PCDHB6: variants seen among roughly 807,000 people sequenced by gnomAD.
PCDHB6 encodes protocadherin beta 6.
For synonymous variants in PCDHB6, 506 were observed against 459.0 expected (o/e 1.10, Z -1.31); for missense variants, 1,137 against 1,010.1 (o/e 1.13, Z -1.70).
Position 141,152,555 on chromosome 5 carries a change from G to A in PCDHB6, c.2298G>A (p.Lys766=). The A allele has an allele frequency of 6.2e-7, 1 of 1,614,040 alleles. No individual in the cohort carries two copies. The change falls in exon 1 of 1, where the codon AAG becomes AAA. Residue 766 remains lysine, a synonymous_variant. Coordinates refer to ENST00000231136, the MANE Select transcript of PCDHB6 (RefSeq NM_018939.4). The part of the protein sequence containing the change: ...GSETNEFKFL[K]PIMPNFPPQG... ...AAACAAATGAGTTCAAGTTCCTGAA[G>A]CCGATTATGCCCAACTTCCCTCCTC...
chr5:141,150,533 G>A lies in PCDHB6; in HGVS notation c.276G>A (p.Glu92=), dbSNP rs782252027. Residue 92 remains glutamate, a synonymous_variant, in exon 1 of 1, where the codon GAG becomes GAA. Coordinates refer to ENST00000231136, the MANE Select transcript of PCDHB6 (RefSeq NM_018939.4). ...DLLLNEKLDR[E]ELCGSTEPCV... ...TGCTAAATGAAAAACTGGACCGGGA[G>A]GAGCTGTGTGGCTCCACTGAGCCGT... is the stretch of plus-strand genomic sequence containing the variant. 6.2e-7 allele frequency: 1 copy of A among 1,614,158 alleles called. No individual in the cohort carries two copies. Among genetic ancestry groups the A allele is most frequent in the South Asian group, 1.1e-5 (1 of 91,076 alleles).
Position 141,150,918 on chromosome 5 carries a change from C to T in PCDHB6, c.661C>T (p.Arg221Trp), listed in dbSNP as rs781793464. ...LIALDGGSPPRSGTSEIQIQV... is the reference protein window; with the variant it reads ...LIALDGGSPPWSGTSEIQIQV... ...CGCGCTGGATGGCGGGTCTCCGCCC[C>T]GGTCAGGGACCTCCGAGATTCAGAT... Residue 221 changes from arginine (R) to tryptophan (W), a missense_variant, in exon 1 of 1, where the codon CGG becomes TGG. Coordinates refer to ENST00000231136, the MANE Select transcript of PCDHB6 (RefSeq NM_018939.4). 10 of 1,614,010 alleles carry T rather than the reference C, an allele frequency of 6.2e-6. No homozygotes were observed. The African/African-American group carries it at 8.0e-5, about 13-fold the overall frequency.
Position 141,150,373 on chromosome 5 carries a change from A to G in PCDHB6, c.116A>G (p.Glu39Gly). The G allele has an allele frequency of 6.2e-7, 1 of 1,614,154 alleles. No individual in the cohort carries two copies. Among genetic ancestry groups the G allele is most frequent in the Middle Eastern group, 1.6e-4 (1 of 6,062 alleles). The change falls in exon 1 of 1, where the codon GAA (glutamate) becomes GGA (glycine). Residue 39 changes from glutamate to glycine, a missense_variant. Coordinates refer to ENST00000231136, the MANE Select transcript of PCDHB6 (RefSeq NM_018939.4). ...CAGTATTCCGTATTGGAGGAGACAGAAAGTGGCACGTTTGTGGCCAACTTG... is the reference window on the plus strand; with the variant it reads ...CAGTATTCCGTATTGGAGGAGACAGGAAGTGGCACGTTTGTGGCCAACTTG... ...SIQYSVLEET[E>G]SGTFVANLTK...
In PCDHB6 at chr5:141,151,859, C is replaced by T. The variant is rs1371567466; in HGVS notation, c.1602C>T (p.Arg534=). 4.3e-6 allele frequency: 7 copies of T among 1,612,318 alleles called. No individual in the cohort carries two copies. The South Asian group carries it at 5.5e-5, about 13-fold the overall frequency. Residue 534 remains arginine (R), a synonymous_variant, in exon 1 of 1, where the codon CGC becomes CGT. Transcript: ENST00000231136. The part of the protein sequence containing the change: ...SFEFRVGATD[R]GSPALSSEAL... ...AGTTCCGCGTGGGCGCCACAGACCG[C>T]GGCTCCCCGGCGTTGAGCAGCGAGG...
chr5:141,151,297 T>C lies in PCDHB6; in HGVS notation c.1040T>C (p.Met347Thr). ...DVNDNAPELTMSFFISLIPEN... is the reference protein window; with the variant it reads ...DVNDNAPELTTSFFISLIPEN... ...AATGACAATGCCCCTGAACTCACCA[T>C]GTCGTTCTTCATCAGCCTCATCCCA... The change falls in exon 1 of 1, where the codon ATG becomes ACG. Residue 347 changes from methionine (M) to threonine (T), a missense_variant. Physicochemically the swap from Met to Thr is moderately conservative, Grantham distance 81 (BLOSUM62 -1). Coordinates refer to ENST00000231136, the MANE Select transcript of PCDHB6 (RefSeq NM_018939.4). 1 of 1,614,092 alleles carries C rather than the reference T, an allele frequency of 6.2e-7. No homozygotes were observed. The highest frequency in any genetic ancestry group is 1.1e-5 in the South Asian group (1 of 91,078).
chr5:141,151,973 G>C lies in PCDHB6; in HGVS notation c.1716G>C (p.Glu572Asp). The change falls in exon 1 of 1, where the codon GAG becomes GAC. Residue 572 changes from glutamate to aspartate, a missense_variant. Coordinates refer to ENST00000231136, the MANE Select transcript of PCDHB6 (RefSeq NM_018939.4). Reference sequence around the variant, plus strand: ...AGAACGGCTCCGCGCCCTGCACCGAGCTGGTGCCCCGGGCGGCCGAGCCGG... The same window carrying C: ...AGAACGGCTCCGCGCCCTGCACCGACCTGGTGCCCCGGGCGGCCGAGCCGG... ...PLQNGSAPCTELVPRAAEPGY... is the reference protein window; with the variant it reads ...PLQNGSAPCTDLVPRAAEPGY... The C allele has an allele frequency of 1.2e-6, 2 of 1,610,318 alleles. No individual in the cohort carries two copies. Among genetic ancestry groups the C allele is most frequent in the Non-Finnish European group, 1.7e-6 (2 of 1,179,632 alleles).
chr5:141,151,937 G>A lies in PCDHB6; in HGVS notation c.1680G>A (p.Leu560=). 1 of 1,611,366 alleles carries A rather than the reference G, an allele frequency of 6.2e-7. No homozygotes were observed. The highest frequency in any genetic ancestry group is 8.5e-7 in the Non-Finnish European group (1 of 1,179,750). Residue 560 remains leucine, a synonymous_variant, in exon 1 of 1, where the codon TTG becomes TTA. Coordinates refer to ENST00000231136, the MANE Select transcript of PCDHB6 (RefSeq NM_018939.4). The stretch of plus-strand genomic sequence containing the variant: ...CCAACGACAACTCGCCCTTCGTGTT[G>A]TACCCGCTGCAGAACGGCTCCGCGC... ...LDANDNSPFV[L]YPLQNGSAPC... is the part of the protein sequence containing the mutation.
rs1752836750 is a variant in PCDHB6 at position 141,150,825 on chromosome 5, T to G, written c.568T>G (p.Phe190Val). The G allele has an allele frequency of 1.2e-6, 2 of 1,614,116 alleles. No homozygotes were observed. The highest frequency in any genetic ancestry group is 2.2e-5 in the East Asian group (1 of 44,872). The change falls in exon 1 of 1, where the codon TTC becomes GTC. Residue 190 changes from phenylalanine to valine, a missense_variant. Transcript: ENST00000231136. ...LTRNRSEGRK[F>V]PELVLDKPLD... The stretch of plus-strand genomic sequence containing the variant: ...CCGCAATCGCAGCGAAGGCAGGAAG[T>G]TCCCGGAGCTGGTGCTAGACAAACC...
chr5:141,150,376 G>A lies in PCDHB6; in HGVS notation c.119G>A (p.Ser40Asn). 6.2e-7 allele frequency: 1 copy of A among 1,614,196 alleles called. No homozygotes were observed. The highest frequency in any genetic ancestry group is 8.5e-7 in the Non-Finnish European group (1 of 1,180,038). The change falls in exon 1 of 1, where the codon AGT becomes AAT. Residue 40 changes from serine (S) to asparagine (N), a missense_variant. Coordinates refer to ENST00000231136, the MANE Select transcript of PCDHB6 (RefSeq NM_018939.4). ...TATTCCGTATTGGAGGAGACAGAAAGTGGCACGTTTGTGGCCAACTTGACA... is the reference window on the plus strand; with the variant it reads ...TATTCCGTATTGGAGGAGACAGAAAATGGCACGTTTGTGGCCAACTTGACA... ...IQYSVLEETESGTFVANLTKD... is the reference protein window; with the variant it reads ...IQYSVLEETENGTFVANLTKD...
chr5:141,151,670 C>G lies in PCDHB6; in HGVS notation c.1413C>G (p.Val471=), dbSNP rs374320078. Reference sequence around the variant, plus strand: ...GCCCCGCCCTGCACATCGGCAGCGTCAGCGCCACAGACAGAGACTCAGGCA... The same window carrying G: ...GCCCCGCCCTGCACATCGGCAGCGTGAGCGCCACAGACAGAGACTCAGGCA... ...NNSPALHIGS[V]SATDRDSGIN... is the part of the protein sequence containing the mutation. Residue 471 remains valine (V), a synonymous_variant, in exon 1 of 1, where the codon GTC becomes GTG. Transcript: ENST00000231136. The G allele has an allele frequency of 3.1e-6, 5 of 1,613,256 alleles. No homozygotes were observed. The highest frequency in any genetic ancestry group is 4.2e-6 in the Non-Finnish European group (5 of 1,180,056).
At position 141,153,221 on chromosome 5, in the gene PCDHB6, G is replaced by A. The variant is rs1554278140; in HGVS notation, c.*579G>A. ...GTGAGCCTCATGTAAGAACATGATG[G>A]TCTTTTTTTAAAAAAAAAGTCGTGC... On this transcript the variant is annotated 3_prime_UTR_variant, in exon 1 of 1. Coordinates refer to ENST00000231136, the MANE Select transcript of PCDHB6 (RefSeq NM_018939.4). 1 of 166,142 alleles carries A rather than the reference G, an allele frequency of 6.0e-6. No individual in the cohort carries two copies. Among genetic ancestry groups the A allele is most frequent in the East Asian group, 1.9e-4 (1 of 5,178 alleles). 10.3% of individuals were successfully genotyped at this position (166,142 alleles called of 1,614,324 possible).
Position 141,151,856 on chromosome 5 carries a change from C to T in PCDHB6, c.1599C>T (p.Asp533=). 6.2e-7 allele frequency: 1 copy of T among 1,612,372 alleles called. No homozygotes were observed. Among genetic ancestry groups the T allele is most frequent in the Non-Finnish European group, 8.5e-7 (1 of 1,179,848 alleles). The change falls in exon 1 of 1, where the codon GAC becomes GAT. Residue 533 remains aspartate, a synonymous_variant. Coordinates refer to ENST00000231136, the MANE Select transcript of PCDHB6 (RefSeq NM_018939.4). ...TCGAGTTCCGCGTGGGCGCCACAGA[C>T]CGCGGCTCCCCGGCGTTGAGCAGCG... ...QSFEFRVGAT[D]RGSPALSSEA...
At position 141,152,182 on chromosome 5, in the gene PCDHB6, T is replaced by C. The variant is rs781826496; in HGVS notation, c.1925T>C (p.Val642Ala). ...DAAKHRLVVL[V>A]KDNGEPPRSA... ...GCCAAGCACAGGCTGGTGGTGCTTG[T>C]CAAGGACAATGGCGAGCCTCCGCGC... Residue 642 changes from valine to alanine, a missense_variant, in exon 1 of 1, where the codon GTC (valine) becomes GCC (alanine). Transcript: ENST00000231136. The C allele has an allele frequency of 2.1e-5, 34 of 1,607,618 alleles. No individual in the cohort carries two copies. The highest frequency in any genetic ancestry group is 2.6e-5 in the Non-Finnish European group (31 of 1,179,720).
Position 141,150,257 on chromosome 5 carries a change from C to T in PCDHB6, c.-1C>T, listed in dbSNP as rs1563887110. 6.2e-7 allele frequency: 1 copy of T among 1,603,702 alleles called. No individual in the cohort carries two copies. The highest frequency in any genetic ancestry group is 8.5e-7 in the Non-Finnish European group (1 of 1,172,728). On this transcript the variant is annotated 5_prime_UTR_variant, in exon 1 of 1. Transcript: ENST00000231136. ...TTCTTCCGTATTCAGACATAATAGA[C>T]ATGATGCAAACTAAAGTACAGAACA...
Position 141,152,414 on chromosome 5 carries a change from G to C in PCDHB6, c.2157G>C (p.Ser719=). ...VRLCRRSRAA[S]VGRYSVPEGP... ...TGTGCAGGAGGAGCAGGGCGGCCTC[G>C]GTGGGTCGCTACTCGGTGCCCGAGG... The change falls in exon 1 of 1, where the codon TCG becomes TCC. Residue 719 remains serine (S), a synonymous_variant. Transcript: ENST00000231136. 6.2e-7 allele frequency: 1 copy of C among 1,613,526 alleles called. No individual in the cohort carries two copies. The highest frequency in any genetic ancestry group is 8.5e-7 in the Non-Finnish European group (1 of 1,180,028).
At position 141,150,964 on chromosome 5, in the gene PCDHB6, A is replaced by G. The variant is rs782633531; in HGVS notation, c.707A>G (p.Asp236Gly). 1 of 1,614,094 alleles carries G rather than the reference A, an allele frequency of 6.2e-7. No homozygotes were observed. Among genetic ancestry groups the G allele is most frequent in the Non-Finnish European group, 8.5e-7 (1 of 1,180,024 alleles). The part of the protein sequence containing the change: ...EIQIQVLDIN[D>G]NVPEFAQELY... ...CAGATCCAGGTTTTGGACATCAATG[A>G]CAACGTCCCCGAGTTTGCTCAGGAG... The change falls in exon 1 of 1, where the codon GAC (aspartate) becomes GGC (glycine). Residue 236 changes from aspartate to glycine, a missense_variant. Transcript: ENST00000231136.
At position 141,152,846 on chromosome 5, in the gene PCDHB6, T is replaced by G; in HGVS notation, c.*204T>G. On this transcript the variant is annotated 3_prime_UTR_variant, in exon 1 of 1. Transcript: ENST00000231136. ...GGTACTTGACAATATGAACAAAAAG[T>G]AAATTTTTATTTGCATAATTTTAAG... 2.4e-6 allele frequency: 1 copy of G among 410,968 alleles called. No individual in the cohort carries two copies. Among genetic ancestry groups the G allele is most frequent in the Non-Finnish European group, 4.3e-6 (1 of 231,250 alleles). 25.5% of individuals were successfully genotyped at this position (410,968 alleles called of 1,614,324 possible). A position where few individuals can be genotyped will look rare whatever the true frequency, so the allele number is the denominator to read the frequency against.
In PCDHB6 at chr5:141,150,200, T is replaced by G; in HGVS notation, c.-58T>G. ...CAAAGACATCCGAGAGGGTCGACGG[T>G]AGATGTGGTGATTGGGAGCTGAAAA... On this transcript the variant is annotated 5_prime_UTR_variant, in exon 1 of 1. Coordinates refer to ENST00000231136, the MANE Select transcript of PCDHB6 (RefSeq NM_018939.4). 3 of 1,324,722 alleles carry G rather than the reference T, an allele frequency of 2.3e-6. No individual in the cohort carries two copies. The highest frequency in any genetic ancestry group is 1.3e-5 in the South Asian group (1 of 74,340). The allele number at this position is 1,324,722 out of a possible 1,614,324, so 82.1% of individuals were successfully genotyped here.
chr5:141,150,676 A>C lies in PCDHB6; in HGVS notation c.419A>C (p.Lys140Thr). 6.2e-7 allele frequency: 1 copy of C among 1,614,208 alleles called. No homozygotes were observed. The highest frequency in any genetic ancestry group is 8.5e-7 in the Non-Finnish European group (1 of 1,180,050). ...PEFPAREMLL[K>T]ISEITMPGKI... ...TTCCCTGCCAGAGAAATGCTCCTGA[A>C]AATATCAGAAATTACTATGCCAGGA... Residue 140 changes from lysine (K) to threonine (T), a missense_variant, in exon 1 of 1, where the codon AAA becomes ACA. Physicochemically the swap from Lys to Thr is moderately conservative, Grantham distance 78. Transcript: ENST00000231136.
Sources: gnomAD v4.1 joint callset for allele counts on GRCh38, gnomAD v4.1.1 for gene constraint, MANE v1.5 for transcripts, NCBI Gene and HGNC (gene_info 2026-07-23, HGNC 2026-07-21) for gene names.